Variants in PCDHGB1 observed in about 807,000 individuals in gnomAD.
The protein encoded by PCDHGB1 is protocadherin gamma subfamily B, 1.
Under a neutral mutation model 56.6 loss-of-function variants are expected in PCDHGB1, and 34 were observed. That is an observed-to-expected ratio of 0.60 (90% CI 0.46 to 0.80). The LOEUF (loss-of-function observed/expected upper bound fraction) is 0.80. PCDHGB1 is among the 30% of genes least tolerant of loss of function. PCDHGB1 has a pLI of 0.00. For missense variants in PCDHGB1, 1,278 were observed against 1,204.6 expected, an observed-to-expected ratio of 1.06 and a Z score of -0.90; for synonymous variants, 561 against 505.9, an observed-to-expected ratio of 1.11 and a Z score of -1.46.
chr5:141,350,223 C>T lies in PCDHGB1; in HGVS notation c.-38C>T, dbSNP rs1185126722. On this transcript the variant is annotated 5_prime_UTR_variant, in exon 1 of 4. Coordinates refer to ENST00000523390, the MANE Select transcript of PCDHGB1 (RefSeq NM_018922.3). ...GGTGCTGCCATTTCTTTTTGAAAAACATCCCAGAGGAAAGAAGCTCCGCGG... is the reference window on the plus strand; with the variant it reads ...GGTGCTGCCATTTCTTTTTGAAAAATATCCCAGAGGAAAGAAGCTCCGCGG... 4 of 1,493,424 alleles carry T rather than the reference C, an allele frequency of 2.7e-6. No individual in the cohort carries two copies. The South Asian group carries it at 5.8e-5, about 22-fold the overall frequency. 92.5% of individuals were successfully genotyped at this position (1,493,424 alleles called of 1,614,324 possible).
intron 1 of PCDHGB1, chr5:141,427,507 T>A: frequency 1.7e-6 from 1 of 584,928 alleles, no homozygotes; most frequent in Non-Finnish European, 3.2e-6. Context: ...GATGGGACCC[T>A]GGATTGGGAG....
rs772052592 is a variant in PCDHGB1, at chr5:141,385,040, T to C, written c.2409+32371T>C. 6.2e-6 allele frequency: 10 copies of C among 1,614,040 alleles called. No individual in the cohort carries two copies. In the South Asian group the frequency reaches 9.9e-5, roughly 16 times the overall value. On this transcript the variant is annotated intron_variant, in intron 1 of 3. Coordinates refer to ENST00000523390, the MANE Select transcript of PCDHGB1 (RefSeq NM_018922.3). The stretch of plus-strand genomic sequence containing the variant: ...GCCTTCGTCCTCGTACTGCTGGCGC[T>C]CAGGCTGCGGCGCTGGCACAAGTCA...
At chr5:141,419,117 G>A (rs1362880648) in intron 1 of PCDHGB1, 2 of 1,613,836 alleles carry the variant, frequency 1.2e-6, no homozygotes, top group Non-Finnish European at 1.7e-6. Flanking sequence ...AGAGTACAAC[G>A]TCACCATCGC....
chr5:141,375,800 A>C, intron 1 of PCDHGB1: 1 of 1,614,162 alleles, frequency 6.2e-7, no homozygotes, highest in Non-Finnish European at 8.5e-7. Context: ...AGACGGTTCC[A>C]CTGGCGTGGA....
At chr5:141,355,077 C>T in intron 1 of PCDHGB1, 2 of 1,404,062 alleles carry the variant, frequency 1.4e-6, no homozygotes, top group South Asian at 3.0e-5. Flanking sequence ...ATGAAAGCTT[C>T]AAGCGGAAGC....
intron 1 of PCDHGB1, chr5:141,419,030 C>G (rs1178461733): frequency 5.0e-6 from 8 of 1,613,768 alleles, no homozygotes; most frequent in Non-Finnish European, 6.8e-6. Context: ...TAGAGGTGTT[C>G]CATTTAAGAT....
chr5:141,357,376 C>T (rs374725533), intron 1 of PCDHGB1: 7 of 1,614,092 alleles, frequency 4.3e-6, no homozygotes, highest in Non-Finnish European at 5.9e-6. Flanking sequence ...ACGCCTGCTT[C>T]ACGCTGAAGG....
chr5:141,350,806 T>C lies in PCDHGB1; in HGVS notation c.546T>C (p.Ser182=). 6.2e-7 allele frequency: 1 copy of C among 1,613,990 alleles called. No homozygotes were observed. The highest frequency in any genetic ancestry group is 8.5e-7 in the Non-Finnish European group (1 of 1,179,890). The change falls in exon 1 of 4, where the codon AGT becomes AGC. Residue 182 remains serine (S), a synonymous_variant. Transcript: ENST00000523390. ...ACTTCTCTCTGTCAACGAAGGAAAGTCCTGATGGAAGTAAATATCCGGTAT... is the reference window on the plus strand; with the variant it reads ...ACTTCTCTCTGTCAACGAAGGAAAGCCCTGATGGAAGTAAATATCCGGTAT... ...NQYFSLSTKE[S]PDGSKYPVLL...
intron 1 of PCDHGB1, chr5:141,409,251 C>T (rs2095247124): frequency 6.2e-7 from 1 of 1,613,922 alleles, no homozygotes; most frequent in Non-Finnish European, 8.5e-7. Context: ...ATAATCATCA[C>T]TTCTCTCTCT....
intron 1 of PCDHGB1, chr5:141,424,024 C>T: frequency 9.6e-7 from 1 of 1,045,488 alleles, no homozygotes; most frequent in Non-Finnish European, 1.2e-6. Flanking sequence ...GATTCACAAA[C>T]ACTTTTTATT....
chr5:141,423,798 A>G (rs551396089), intron 1 of PCDHGB1: 76 of 1,222,390 alleles, frequency 6.2e-5, no homozygotes, highest in Middle Eastern at 4.5e-4. Context: ...TATTTAGAGC[A>G]ATACATGTGA....
chr5:141,395,400 G>C, intron 1 of PCDHGB1: 1 of 859,976 alleles, frequency 1.2e-6, no homozygotes, highest in Non-Finnish European at 1.7e-6. Context: ...AACTCTAATA[G>C]TCATAGGTTA....
Position 141,364,749 on chromosome 5 carries a change from T to A in PCDHGB1, c.2409+12080T>A, listed in dbSNP as rs1588602208. Reference sequence around the variant, plus strand: ...CGTTTCCGGGATGAAGAGTTAAAAGTAAAAGTTAATGAAAATGCGGCTGCA... The same window carrying A: ...CGTTTCCGGGATGAAGAGTTAAAAGAAAAAGTTAATGAAAATGCGGCTGCA... On this transcript the variant is annotated intron_variant, in intron 1 of 3. Coordinates refer to ENST00000523390, the MANE Select transcript of PCDHGB1 (RefSeq NM_018922.3). 3.1e-5 allele frequency: 50 copies of A among 1,613,798 alleles called. No individual in the cohort carries two copies. In the East Asian group the frequency reaches 1.1e-3, roughly 35 times the overall value.
intron 1 of PCDHGB1, chr5:141,364,809 C>A: frequency 6.2e-7 from 1 of 1,613,952 alleles, no homozygotes; most frequent in Non-Finnish European, 8.5e-7. Flanking sequence ...GCGCGGGATG[C>A]GGATGTGGGT....
chr5:141,440,959 G>A (rs1313315196), intron 1 of PCDHGB1: 1 of 152,216 alleles, frequency 6.6e-6, no homozygotes, highest in Non-Finnish European at 1.5e-5. Flanking sequence ...TCAAGGCAGA[G>A]ATCACATATG....
intron 1 of PCDHGB1, chr5:141,409,960 C>G: frequency 6.2e-7 from 1 of 1,613,416 alleles, no homozygotes; most frequent in Non-Finnish European, 8.5e-7. Flanking sequence ...AGCCCGGCTA[C>G]CTAGTGACTA....
chr5:141,486,653 C>G lies in PCDHGB1; in HGVS notation c.2410-8154C>G. On this transcript the variant is annotated intron_variant, in intron 1 of 3. Transcript: ENST00000523390. This position sits in a 1 kb window ranked among gnomAD's most constrained non-coding sequence, Gnocchi z 5.0. ...CTTGAATGCGCTTATCTCCTACTCA[C>G]TCCTGGAGCCCAGGAATCGAGATGT... is the stretch of plus-strand genomic sequence containing the variant. 1 of 1,613,968 alleles carries G rather than the reference C, an allele frequency of 6.2e-7. No individual in the cohort carries two copies. Among genetic ancestry groups the G allele is most frequent in the Non-Finnish European group, 8.5e-7 (1 of 1,180,034 alleles).
chr5:141,393,500 C>T lies in PCDHGB1; in HGVS notation c.2409+40831C>T, dbSNP rs747121608. 6.2e-6 allele frequency: 10 copies of T among 1,613,922 alleles called. No homozygotes were observed. In the African/African-American group the frequency reaches 6.7e-5, roughly 11 times the overall value. On this transcript the variant is annotated intron_variant, in intron 1 of 3. Coordinates refer to ENST00000523390, the MANE Select transcript of PCDHGB1 (RefSeq NM_018922.3). The stretch of plus-strand genomic sequence containing the variant: ...CTCGCTCTAGCACAGTGCGCATCCA[C>T]GTGACAGTGTTGGATACAAATGACA...
rs748017565 is a variant in PCDHGB1 at position 141,477,404 on chromosome 5, C to G, written c.2410-17403C>G. ...AGAATACAACCTCAGCATCACCGCCCGAGACGCCGGAACCCCTTCCCTCTC... is the reference window on the plus strand; with the variant it reads ...AGAATACAACCTCAGCATCACCGCCGGAGACGCCGGAACCCCTTCCCTCTC... On this transcript the variant is annotated intron_variant, in intron 1 of 3. Coordinates refer to ENST00000523390, the MANE Select transcript of PCDHGB1 (RefSeq NM_018922.3). The surrounding 1 kb of genome is among the most constrained non-coding windows in gnomAD (Gnocchi z 4.9). The G allele has an allele frequency of 1.9e-6, 3 of 1,614,042 alleles. No homozygotes were observed. Among genetic ancestry groups the G allele is most frequent in the African/African-American group, 1.3e-5 (1 of 74,902 alleles).
Sources: allele counts gnomAD v4.1 joint callset, GRCh38; gene constraint gnomAD v4.1.1; non-coding constraint Gnocchi (gnomAD v3.1); transcripts MANE v1.5; gene names NCBI Gene and HGNC (gene_info 2026-07-23, HGNC 2026-07-21).